The following SORCS3 variants were observed in gnomAD, a reference collection of about 807,000 sequenced individuals.
The protein encoded by SORCS3 is VPS10 domain-containing receptor SorCS3.
A neutral mutation model predicts 146.3 loss-of-function variants in SORCS3; 57 were observed. That is an observed-to-expected ratio of 0.39 (90% CI 0.31 to 0.49). SORCS3 has a LOEUF of 0.49. Among genes scored for constraint, SORCS3 ranks in the 20% least tolerant of loss-of-function variants. The pLI, the probability that SORCS3 is intolerant of heterozygous loss-of-function variation, is 0.92. For missense variants in SORCS3, 1,341 were observed against 1,575.5 expected (o/e 0.85, Z 2.52); for synonymous variants, 653 against 618.5 (o/e 1.06, Z -0.83).
intron 4 of SORCS3, among the ~76,000 whole-genome samples, chr10:105,021,959 T>C (rs1196495081): frequency 6.6e-6 from 1 of 152,230 alleles, no homozygotes; most frequent in East Asian, 1.9e-4. Flanking sequence ...AACTGCTACA[T>C]AATGTATGAT....
intron 2 of SORCS3, among the ~76,000 whole-genome samples, chr10:104,852,142 A>G (rs537054346): frequency 3.9e-4 from 59 of 152,314 alleles, no homozygotes; most frequent in African/African-American, 1.4e-3. Flanking sequence ...ATTTTTAGTC[A>G]TTGTCCACAT....
At chr10:104,643,844 G>A (rs544423682) in intron 1 of SORCS3, among the ~76,000 whole-genome samples, 95 of 151,866 alleles carry the variant, frequency 6.3e-4, no homozygotes, top group South Asian at 5.2e-3. Context: ...TACATCTGTG[G>A]CTTCCCTACT....
intron 14 of SORCS3, among the ~76,000 whole-genome samples, chr10:105,178,923 G>C (rs538915848): frequency 6.6e-6 from 1 of 152,154 alleles, no homozygotes; most frequent in Non-Finnish European, 1.5e-5. Flanking sequence ...GGCTCACAGC[G>C]TGCATCTGTG....
At chr10:104,925,420 C>T (rs2019131991) in intron 3 of SORCS3, among the ~76,000 whole-genome samples, 1 of 152,138 alleles carries the variant, frequency 6.6e-6, no homozygotes, top group Non-Finnish European at 1.5e-5. Flanking sequence ...TATGCACTAC[C>T]AGAATAACTC....
chr10:105,220,136 C>T (rs1313650347), intron 19 of SORCS3, among the ~76,000 whole-genome samples: 1 of 152,158 alleles, frequency 6.6e-6, no homozygotes, highest in Admixed American at 6.5e-5. Flanking sequence ...TTTCTCTGTT[C>T]CTTCCTGAAT....
intron 1 of SORCS3, among the ~76,000 whole-genome samples, chr10:104,724,463 C>T (rs2016597303): frequency 6.6e-6 from 1 of 152,082 alleles, no homozygotes; most frequent in Non-Finnish European, 1.5e-5. Context: ...CTTGGAGTTG[C>T]TCTTCTCGAG....
chr10:105,132,364 G>A (rs2056026026), intron 7 of SORCS3, among the ~76,000 whole-genome samples: 1 of 152,010 alleles, frequency 6.6e-6, no homozygotes, highest in African/African-American at 2.4e-5. Context: ...TGAAAGTAAA[G>A]CACCCAATAT....
At chr10:104,946,408 C>T (rs1413229990) in intron 3 of SORCS3, among the ~76,000 whole-genome samples, 2 of 152,112 alleles carry the variant, frequency 1.3e-5, no homozygotes, top group Non-Finnish European at 2.9e-5. Flanking sequence ...TCCTTTCTCT[C>T]TTTCTCTCTG....
intron 4 of SORCS3, 80 bp from the exon 5 acceptor site, chr10:105,042,975 G>A: frequency 8.1e-7 from 1 of 1,231,916 alleles, no homozygotes; most frequent in Non-Finnish European, 1.2e-6. Flanking sequence ...TCTGGTGTTG[G>A]GATGCTGCAG....
rs558022457 is a variant in SORCS3, at chr10:104,944,414, G to A, written c.795+28482G>A. Reference sequence around the variant, plus strand: ...TATTTAAGAAAAGCATTATATAAGAGTGAAAGTCATAGCATTTAATAAGAG... The same window carrying A: ...TATTTAAGAAAAGCATTATATAAGAATGAAAGTCATAGCATTTAATAAGAG... On this transcript the variant is annotated intron_variant, in intron 3 of 26. Transcript: ENST00000369701. Among the ~76,000 whole-genome samples, 96 of 152,268 alleles carry A rather than the reference G, an allele frequency of 6.3e-4. 3 individuals are homozygous for A. Among genetic ancestry groups the A allele is most frequent in the South Asian group, 1.5e-3 (7 of 4,824 alleles).
At chr10:104,771,354 G>A (rs1308307531) in intron 1 of SORCS3, among the ~76,000 whole-genome samples, 1 of 152,218 alleles carries the variant, frequency 6.6e-6, no homozygotes, top group Admixed American at 6.5e-5. Flanking sequence ...AAGCAGTGCT[G>A]ATGTGAGAAA....
intron 4 of SORCS3, among the ~76,000 whole-genome samples, chr10:105,035,266 T>C (rs2055298264): frequency 6.6e-6 from 1 of 152,160 alleles, no homozygotes; most frequent in Non-Finnish European, 1.5e-5. Flanking sequence ...AATTTTAAGG[T>C]GAGAATTATT....
At chr10:104,766,006 G>A (rs1290333632) in intron 1 of SORCS3, among the ~76,000 whole-genome samples, 1 of 152,234 alleles carries the variant, frequency 6.6e-6, no homozygotes, top group East Asian at 1.9e-4. Flanking sequence ...TGGGGCTAGA[G>A]AGGTTAGGGA....
intron 25 of SORCS3, among the ~76,000 whole-genome samples, chr10:105,261,378 A>G (rs1260437050): frequency 6.6e-6 from 1 of 152,176 alleles, no homozygotes; most frequent in African/African-American, 2.4e-5. Context: ...CTTCTATTAG[A>G]GTCTTGTAAC....
At chr10:105,069,006 G>A (rs947423279) in intron 5 of SORCS3, among the ~76,000 whole-genome samples, 3 of 152,290 alleles carry the variant, frequency 2.0e-5, no homozygotes, top group South Asian at 2.1e-4. Flanking sequence ...CATGTGAACA[G>A]CATCTACCAT....
intron 2 of SORCS3, among the ~76,000 whole-genome samples, chr10:104,912,370 C>G (rs907809383): frequency 6.6e-6 from 1 of 152,188 alleles, no homozygotes; most frequent in Non-Finnish European, 1.5e-5. Context: ...ATGACAGCCT[C>G]TAGAGATCAT....
At chr10:104,842,662 A>C in intron 1 of SORCS3, 130 bp from the exon 2 acceptor site, 1 of 654,528 alleles carries the variant, frequency 1.5e-6, no homozygotes, top group Non-Finnish European at 2.6e-6. Context: ...CCCGCAACTC[A>C]ATGGATAAAT....
chr10:104,726,890 T>C (rs1316170526), intron 1 of SORCS3, among the ~76,000 whole-genome samples: 1 of 152,174 alleles, frequency 6.6e-6, no homozygotes, highest in Non-Finnish European at 1.5e-5. Flanking sequence ...ATGCAAGACT[T>C]CCAGTGTTCA....
intron 16 of SORCS3, among the ~76,000 whole-genome samples, chr10:105,202,779 A>G (rs1349408509): frequency 1.3e-5 from 2 of 152,196 alleles, no homozygotes; most frequent in Non-Finnish European, 2.9e-5. Context: ...GGGAATGGGT[A>G]CATAGCACTC....
Sources: gnomAD v4.1 joint callset for allele counts (sites outside exome capture counted in the v4.1 genomes callset) on GRCh38, gnomAD v4.1.1 for gene constraint, MANE v1.5 for transcripts, NCBI Gene and HGNC (gene_info 2026-07-23, HGNC 2026-07-21) for gene names.